Variants in CD200R1L observed in about 807,000 individuals in gnomAD.
CD200R1L encodes the protein CD200 receptor 1 like, also known as cell surface glycoprotein CD200 receptor 2.
CD200R1L carries 14 observed loss-of-function variants against 24.8 expected under a neutral mutation model. The ratio of observed to expected loss-of-function variants is 0.56; its 90% CI spans 0.37 to 0.88. The LOEUF is 0.88. CD200R1L is among the 40% of genes least tolerant of loss of function. The pLI is 0.00. For missense variants in CD200R1L, 299 were observed against 297.8 expected (o/e 1.00, Z -0.03); for synonymous variants, 111 against 109.2 (o/e 1.02, Z -0.11).
chr3:112,836,124 T>C (rs1352596100), intron 3 of CD200R1L, among the ~76,000 whole-genome samples: 4 of 152,170 alleles, frequency 2.6e-5, no homozygotes, highest in African/African-American at 4.8e-5. Flanking sequence ...GTTGAGGCCA[T>C]AGTAAAGGCT....
At chr3:112,821,455 T>C (rs949004300) in intron 6 of CD200R1L, among the ~76,000 whole-genome samples, 1 of 152,254 alleles carries the variant, frequency 6.6e-6, no homozygotes, top group African/African-American at 2.4e-5. Flanking sequence ...CATAAATTTC[T>C]CCACAGGTAG....
intron 2 of CD200R1L, among the ~76,000 whole-genome samples, chr3:112,840,259 G>A (rs186377032): frequency 4.5e-4 from 69 of 152,268 alleles, no homozygotes; most frequent in Middle Eastern, 3.4e-3. Context: ...AAGAAAAGAG[G>A]TTTAGTTGGC....
In CD200R1L at chr3:112,840,497, A is replaced by G. The variant is rs150646466; in HGVS notation, c.-86-2487T>C. Among the ~76,000 whole-genome samples the G allele has an allele frequency of 1.4e-3, 210 of 152,348 alleles. 2 individuals are homozygous for G. The highest frequency in any genetic ancestry group is 4.5e-3 in the African/African-American group (189 of 41,574). Reference sequence around the variant, plus strand: ...AGCACTGAGGTAATGGTGCTAACACATTCATAAGAATGTCACCTCCATGAT... The same window carrying G: ...AGCACTGAGGTAATGGTGCTAACACGTTCATAAGAATGTCACCTCCATGAT... On this transcript the variant is annotated intron_variant, in intron 2 of 7. Coordinates refer to ENST00000488794, the MANE Select transcript of CD200R1L (RefSeq NM_001199215.3).
chr3:112,840,949 A>G (rs1049556131), intron 2 of CD200R1L, among the ~76,000 whole-genome samples: 1 of 152,232 alleles, frequency 6.6e-6, no homozygotes, highest in Non-Finnish European at 1.5e-5. Context: ...CTTAGGAGCT[A>G]TTAGCATCAC....
Position 112,836,081 on chromosome 3 carries a change from C to T in CD200R1L, c.-18+1861G>A, listed in dbSNP as rs556412575. On this transcript the variant is annotated intron_variant, in intron 3 of 7. Coordinates refer to ENST00000488794, the MANE Select transcript of CD200R1L (RefSeq NM_001199215.3). ...TCTTGACTGTGCCTTCAGCCAGGTGCTTGTGGGCTCCCAGGATGAAGCAGG... is the reference window on the plus strand; with the variant it reads ...TCTTGACTGTGCCTTCAGCCAGGTGTTTGTGGGCTCCCAGGATGAAGCAGG... Among the ~76,000 whole-genome samples, 5 of 152,348 alleles carry T rather than the reference C, an allele frequency of 3.3e-5. No homozygotes were observed. The South Asian group carries it at 1.0e-3, about 32-fold the overall frequency.
At chr3:112,825,265 AAAAG>A (rs1559921614) in intron 6 of CD200R1L, among the ~76,000 whole-genome samples, 1 of 151,496 alleles carries the variant, frequency 6.6e-6, no homozygotes, top group Non-Finnish European at 1.5e-5. Flanking sequence ...AAAAAAAAAA[AAAAG>A]AAATTGCATG....
chr3:112,832,169 A>T (rs775506235), intron 3 of CD200R1L, among the ~76,000 whole-genome samples: 15 of 152,320 alleles, frequency 9.8e-5, no homozygotes, highest in South Asian at 4.1e-4. Flanking sequence ...AAGGAATACA[A>T]GGATCTTTTG....
At chr3:112,819,450 A>G (rs1042765223) in intron 7 of CD200R1L, among the ~76,000 whole-genome samples, 2 of 152,218 alleles carry the variant, frequency 1.3e-5, no homozygotes, top group Non-Finnish European at 2.9e-5. Context: ...GCCCTTTACA[A>G]AGAAATTTGA....
intron 2 of CD200R1L, among the ~76,000 whole-genome samples, chr3:112,843,052 G>A (rs534366748): frequency 6.6e-6 from 1 of 152,288 alleles, no homozygotes; most frequent in South Asian, 2.1e-4. Context: ...CAAGCTCAGA[G>A]GACCAGCGGG....
chr3:112,846,222 TATC>T (rs1302259375), intron 1 of CD200R1L, among the ~76,000 whole-genome samples: 3 of 152,240 alleles, frequency 2.0e-5, no homozygotes, highest in Non-Finnish European at 4.4e-5. Flanking sequence ...TCTCTGCTGA[TATC>T]ATCTCCTCCA....
Position 112,819,877 on chromosome 3 carries a change from G to T in CD200R1L, c.635C>A (p.Ser212Tyr), listed in dbSNP as rs369541871. ...KLNSGLRTSG[S>Y]PALSLLIILY... ...AATGATCAGTAAGGACAACGCTGGAGATCCTGAGGTTCTGAGACCTTTAAA... is the reference window on the plus strand; with the variant it reads ...AATGATCAGTAAGGACAACGCTGGATATCCTGAGGTTCTGAGACCTTTAAA... Residue 212 changes from serine to tyrosine, a missense_variant, in exon 7 of 8, where the codon TCT (serine) becomes TAT (tyrosine). Physicochemically the swap from Ser to Tyr is moderately radical, Grantham distance 144. Coordinates refer to ENST00000488794, the MANE Select transcript of CD200R1L (RefSeq NM_001199215.3). 42 of 1,603,400 alleles carry T rather than the reference G, an allele frequency of 2.6e-5. No homozygotes were observed. The highest frequency in any genetic ancestry group is 3.5e-5 in the Non-Finnish European group (41 of 1,176,898).
intron 3 of CD200R1L, among the ~76,000 whole-genome samples, chr3:112,836,150 G>T (rs942744870): frequency 1.1e-4 from 16 of 152,214 alleles, no homozygotes; most frequent in Non-Finnish European, 1.6e-4. Flanking sequence ...CCTGGTAGTG[G>T]GTCCTGCCTG....
intron 3 of CD200R1L, among the ~76,000 whole-genome samples, chr3:112,835,215 T>C (rs552607429): frequency 4.6e-5 from 7 of 152,142 alleles, no homozygotes; most frequent in Admixed American, 2.6e-4. Context: ...ATAGAACAGC[T>C]CAGAGGAGAC....
At chr3:112,842,785 C>G (rs1939112271) in intron 2 of CD200R1L, among the ~76,000 whole-genome samples, 1 of 152,180 alleles carries the variant, frequency 6.6e-6, no homozygotes, top group African/African-American at 2.4e-5. Context: ...TACCCTCAGG[C>G]TTACTAGGGT....
chr3:112,842,562 C>T (rs556467470), intron 2 of CD200R1L, among the ~76,000 whole-genome samples: 33 of 152,222 alleles, frequency 2.2e-4, no homozygotes, highest in African/African-American at 7.0e-4. Flanking sequence ...AGTCTGACTG[C>T]CTGCGGGGTC....
chr3:112,827,771 G>A, intron 4 of CD200R1L, 87 bp from the exon 5 acceptor site: 1 of 1,267,622 alleles, frequency 7.9e-7, no homozygotes, highest in Non-Finnish European at 1.1e-6. Context: ...ATTACATGAA[G>A]TTTTATTAGA....
intron 2 of CD200R1L, among the ~76,000 whole-genome samples, chr3:112,838,914 G>GA (rs1368747579): frequency 2.6e-5 from 4 of 152,126 alleles, no homozygotes; most frequent in African/African-American, 7.2e-5. Context: ...TCCGGAGTAA[G>GA]AAAAAAAATT....
chr3:112,837,475 T>C (rs974321322), intron 3 of CD200R1L, among the ~76,000 whole-genome samples: 14 of 152,274 alleles, frequency 9.2e-5, no homozygotes, highest in Middle Eastern at 6.8e-3. Flanking sequence ...CCAGACTGCT[T>C]CTATTGGCTG....
At chr3:112,825,446 A>G (rs1449244017) in intron 6 of CD200R1L, among the ~76,000 whole-genome samples, 2 of 149,062 alleles carry the variant, frequency 1.3e-5, no homozygotes, top group Non-Finnish European at 3.0e-5. Context: ...TAAAATTAAT[A>G]ATTATAATAA....
Sources: gnomAD v4.1 joint callset for allele counts (sites outside exome capture counted in the v4.1 genomes callset) on GRCh38, gnomAD v4.1.1 for gene constraint, MANE v1.5 for transcripts, NCBI Gene and HGNC (gene_info 2026-07-23, HGNC 2026-07-21) for gene names.